Variants in SLCO1A2 observed in about 807,000 individuals in gnomAD.
SLCO1A2 encodes the protein solute carrier organic anion transporter family member 1A2.
In SLCO1A2, 67 loss-of-function variants were observed where a neutral mutation model predicts 69.0. The ratio of observed to expected loss-of-function variants is 0.97; its 90% CI spans 0.80 to 1.19. The LOEUF is 1.19. Ranked by LOEUF, SLCO1A2 falls within the 50% of genes most tolerant of loss-of-function variation. The pLI, the probability that SLCO1A2 is intolerant of heterozygous loss-of-function variation, is 0.00. For missense variants in SLCO1A2, 787 were observed against 793.7 expected (o/e 0.99, Z 0.10); for synonymous variants, 260 against 265.9 (o/e 0.98, Z 0.22).
Position 21,267,942 on chromosome 12 carries a change from C to G in SLCO1A2, c.*1606G>C, listed in dbSNP as rs1942252022. On this transcript the variant is annotated 3_prime_UTR_variant, in exon 15 of 15. Transcript: ENST00000683939. ...CCTTTCCAATGATTTTAGTTCCTCT[C>G]TCTTGTTTCAAAGCCAGTCTTGGTT... 6.6e-6 allele frequency: 1 copy of G among 152,052 alleles called. No individual in the cohort carries two copies. The highest frequency in any genetic ancestry group is 1.5e-5 in the Non-Finnish European group (1 of 67,994). The allele number at this position is 152,052 out of a possible 1,614,324, so 9.4% of individuals were successfully genotyped here.
chr12:21,334,754 T>G, intron 1 of SLCO1A2, 45 bp from the exon 2 acceptor site: 1 of 843,366 alleles, frequency 1.2e-6, no homozygotes, highest in Admixed American at 2.7e-5. Context: ...TACAAAATTG[T>G]AAAGCATCAT....
rs367887564 is a variant in SLCO1A2 at position 21,269,507 on chromosome 12, G to A, written c.*41C>T. The A allele has an allele frequency of 5.9e-4, 845 of 1,431,996 alleles. 2 individuals are homozygous for A. The highest frequency in any genetic ancestry group is 7.7e-4 in the Non-Finnish European group (792 of 1,023,978). The allele number at this position is 1,431,996 out of a possible 1,614,324, so 88.7% of individuals were successfully genotyped here. On this transcript the variant is annotated 3_prime_UTR_variant, in exon 15 of 15. Coordinates refer to ENST00000683939, the MANE Select transcript of SLCO1A2 (RefSeq NM_001386879.1). ...ATTTTTAAAACAATTAAGTTGTACA[G>A]CATGTTCTCTAATTCTGAAAAAAGT...
At chr12:21,400,908 G>C (rs1398258327) in intron 1 of SLCO1A2, among the ~76,000 whole-genome samples, 1 of 145,196 alleles carries the variant, frequency 6.9e-6, no homozygotes, top group Non-Finnish European at 1.5e-5. Flanking sequence ...GGATAGCATC[G>C]GGAGATATAC....
chr12:21,299,555 G>C (rs961817869), intron 8 of SLCO1A2, among the ~76,000 whole-genome samples: 1 of 149,674 alleles, frequency 6.7e-6, no homozygotes, highest in African/African-American at 2.4e-5. Flanking sequence ...GTGGGTCACC[G>C]ATCATGTTTT....
intron 1 of SLCO1A2, among the ~76,000 whole-genome samples, chr12:21,376,049 T>C (rs1940171652): frequency 6.6e-6 from 1 of 152,170 alleles, no homozygotes; most frequent in Non-Finnish European, 1.5e-5. Context: ...GAAAAGCAAT[T>C]TCACAAATAT....
At chr12:21,395,778 G>C (rs977155131), upstream of SLCO1A2, among the ~76,000 whole-genome samples, 4 of 152,064 alleles carry the variant, frequency 2.6e-5, no homozygotes, top group Non-Finnish European at 5.9e-5. Flanking sequence ...CACCTCAAAC[G>C]GCAGGGTACT....
chr12:21,300,296 T>A, intron 8 of SLCO1A2, 52 bp downstream of exon 8: 1 of 1,292,664 alleles, frequency 7.7e-7, no homozygotes, highest in East Asian at 2.4e-5. Flanking sequence ...TACAGACATA[T>A]CTATATGAAA....
At chr12:21,313,016 G>A (rs141065218) in intron 4 of SLCO1A2, among the ~76,000 whole-genome samples, 24 of 152,202 alleles carry the variant, frequency 1.6e-4, no homozygotes, top group African/African-American at 5.5e-4. Context: ...AGCCTGTGGA[G>A]GTCAAAGCTA....
chr12:21,414,871 G>A (rs898527365), intron 1 of SLCO1A2, among the ~76,000 whole-genome samples: 1 of 151,958 alleles, frequency 6.6e-6, no homozygotes, highest in Non-Finnish European at 1.5e-5. Context: ...CCTCCATAGT[G>A]CATTGAATCC....
chr12:21,292,138 TATAA>T (rs1280121497), intron 12 of SLCO1A2, 22 bp downstream of exon 12: 9 of 1,492,884 alleles, frequency 6.0e-6, no homozygotes, highest in Admixed American at 2.4e-5. Flanking sequence ...CCCAAAAAAA[TATAA>T]ATAAAGAAAA....
chr12:21,288,011 TAAAAAAA>T (rs59000175), intron 12 of SLCO1A2, among the ~76,000 whole-genome samples: 2 of 102,958 alleles, frequency 1.9e-5, no homozygotes, highest in Non-Finnish European at 4.1e-5. Context: ...TAAAGTATAA[TAAAAAAA>T]AAAAAAAAAA....
intron 1 of SLCO1A2, chr12:21,378,443 A>C (rs779055744): frequency 1.3e-6 from 2 of 1,590,610 alleles, no homozygotes; most frequent in Non-Finnish European, 8.6e-7. Context: ...ATGTAACTCT[A>C]TAGTTATTGT....
chr12:21,405,262 G>A (rs1941805064), intron 1 of SLCO1A2, among the ~76,000 whole-genome samples: 1 of 151,916 alleles, frequency 6.6e-6, no homozygotes, highest in Non-Finnish European at 1.5e-5. Context: ...TGCTTTTGTT[G>A]CAATTTCTTA....
chr12:21,328,524 T>C (rs1952405099), intron 2 of SLCO1A2, among the ~76,000 whole-genome samples: 1 of 152,136 alleles, frequency 6.6e-6, no homozygotes, highest in South Asian at 2.1e-4. Flanking sequence ...CTCAGGCCTC[T>C]AGGCAGTTAT....
At chr12:21,380,098 T>G in intron 1 of SLCO1A2, 1 of 152,158 alleles carries the variant, frequency 6.6e-6, no homozygotes, top group East Asian at 1.9e-4. Flanking sequence ...TTTCCCACAA[T>G]AGTCTACAGT....
intron 11 of SLCO1A2, among the ~76,000 whole-genome samples, chr12:21,293,612 A>G (rs1947259095): frequency 6.6e-6 from 1 of 151,498 alleles, no homozygotes; most frequent in Non-Finnish European, 1.5e-5. Flanking sequence ...TATATAGCAA[A>G]GCAATTAGCT....
chr12:21,373,392 C>A, intron 2 of SLCO1A2: 1 of 1,613,628 alleles, frequency 6.2e-7, no homozygotes, highest in African/African-American at 1.3e-5. Flanking sequence ...ATTGTGCTCT[C>A]TGTTGCATTG....
At chr12:21,301,811 A>C (rs1262053024) in intron 6 of SLCO1A2, among the ~76,000 whole-genome samples, 1 of 151,996 alleles carries the variant, frequency 6.6e-6, no homozygotes, top group Non-Finnish European at 1.5e-5. Context: ...TTCCATGTCC[A>C]TCAGTCCTAT....
intron 8 of SLCO1A2, 72 bp from the exon 9 acceptor site, chr12:21,297,640 A>T: frequency 1.1e-6 from 1 of 936,838 alleles, no homozygotes. Flanking sequence ...TTCCTGAAAC[A>T]TCCACCTCCT....
Sources: allele counts gnomAD v4.1 joint callset (sites outside exome capture counted in the v4.1 genomes callset), GRCh38; gene constraint gnomAD v4.1.1; transcripts MANE v1.5; gene names NCBI Gene and HGNC (gene_info 2026-07-23, HGNC 2026-07-21).